The following UMODL1 variants were observed in gnomAD, a reference collection of about 807,000 sequenced individuals.
UMODL1 encodes the protein uromodulin-like 1.
A neutral mutation model predicts 136.3 loss-of-function variants in UMODL1; 128 were observed. The observed-to-expected ratio is 0.94, with a 90% confidence interval of 0.81 to 1.09. The LOEUF is 1.09. Ranked by LOEUF, UMODL1 falls within the 50% of genes least tolerant of loss-of-function variation. The pLI, the probability that UMODL1 is intolerant of heterozygous loss-of-function variation, is 0.00. For synonymous variants in UMODL1, 721 were observed against 720.0 expected (o/e 1.00, Z -0.02); for missense variants, 1,766 against 1,725.6 (o/e 1.02, Z -0.41).
chr21:42,120,920 C>G (rs1448153802), intron 15 of UMODL1, 167 bp from the exon 16 acceptor site: 4 of 789,488 alleles, frequency 5.1e-6, no homozygotes, highest in African/African-American at 3.5e-5. Context: ...CCAGCCCCAG[C>G]TTCAGGAAGC....
intron 19 of UMODL1, among the ~76,000 whole-genome samples, 180 bp downstream of exon 19, chr21:42,127,422 G>C (rs900182586): frequency 7.2e-5 from 11 of 152,214 alleles, no homozygotes; most frequent in African/African-American, 2.4e-4. Flanking sequence ...ATTAAGAACA[G>C]GTAGGGCTCA....
Position 42,122,973 on chromosome 21 carries a change from G to A in UMODL1, c.2970G>A (p.Arg990=), listed in dbSNP as rs765595931. The A allele has an allele frequency of 6.2e-7, 1 of 1,614,014 alleles. No homozygotes were observed. Among genetic ancestry groups the A allele is most frequent in the South Asian group, 1.1e-5 (1 of 91,078 alleles). Residue 990 remains arginine (R), a synonymous_variant, in exon 17 of 23, where the codon AGG becomes AGA. Coordinates refer to ENST00000408910, the MANE Select transcript of UMODL1 (RefSeq NM_001004416.3). This position sits in a 1 kb window ranked among gnomAD's most constrained non-coding sequence, Gnocchi z 4.3. The stretch of plus-strand genomic sequence containing the variant: ...GGCTGAACCTGACCGGAGCAGTCAG[G>A]GTGCTCTGTGAGATCGAGAAGGTGG... ...PQRLNLTGAV[R]VLCEIEKVVV...
intron 9 of UMODL1, among the ~76,000 whole-genome samples, chr21:42,104,455 C>CTT (rs536063448): frequency 1.4e-5 from 2 of 143,728 alleles, no homozygotes; most frequent in African/African-American, 5.1e-5. Context: ...CTTTTCTTTT[C>CTT]TTTTTTTTTT....
intron 8 of UMODL1, 151 bp from the exon 9 acceptor site, chr21:42,103,717 T>G: frequency 1.1e-6 from 1 of 901,188 alleles, no homozygotes; most frequent in Non-Finnish European, 1.8e-6. Flanking sequence ...CGGACTTCTC[T>G]GCGTGCTCTG....
At position 42,085,150 on chromosome 21, in the gene UMODL1, T is replaced by C. The variant is rs2066410771; in HGVS notation, c.482-141T>C. 9.5e-7 allele frequency: 1 copy of C among 1,048,798 alleles called. No homozygotes were observed. The highest frequency in any genetic ancestry group is 1.4e-6 in the Non-Finnish European group (1 of 730,792). The allele number at this position is 1,048,798 out of a possible 1,614,324, so 65.0% of individuals were successfully genotyped here. Reference sequence around the variant, plus strand: ...GACATCCCCCGTCTCCTGTGGTAGATGTCTTTTTGCAGGGAGGTAAATGCA... The same window carrying C: ...GACATCCCCCGTCTCCTGTGGTAGACGTCTTTTTGCAGGGAGGTAAATGCA... On this transcript the variant is annotated intron_variant, in intron 3 of 22. Coordinates refer to ENST00000408910, the MANE Select transcript of UMODL1 (RefSeq NM_001004416.3). This position sits in a 1 kb window ranked among gnomAD's most constrained non-coding sequence, Gnocchi z 4.5.
At chr21:42,129,004 G>C (rs1395156309) in intron 20 of UMODL1, among the ~76,000 whole-genome samples, 1 of 151,970 alleles carries the variant, frequency 6.6e-6, no homozygotes, top group African/African-American at 2.4e-5. Flanking sequence ...TCTGTCCCAG[G>C]CCTCTCTCCC....
intron 13 of UMODL1, among the ~76,000 whole-genome samples, chr21:42,115,672 G>A (rs138555242): frequency 8.3e-4 from 126 of 152,330 alleles, no homozygotes; most frequent in African/African-American, 2.9e-3. Context: ...TTCTCCCACT[G>A]TGTTCAGGCT....
At chr21:42,140,551 C>T (rs1303565664) in intron 22 of UMODL1, among the ~76,000 whole-genome samples, 1 of 152,194 alleles carries the variant, frequency 6.6e-6, no homozygotes, top group East Asian at 1.9e-4. Context: ...CACTAGTGTT[C>T]ACATGACTGA....
At chr21:42,073,442 G>A (rs1294479974) in intron 1 of UMODL1, among the ~76,000 whole-genome samples, 3 of 152,192 alleles carry the variant, frequency 2.0e-5, no homozygotes, top group Admixed American at 1.3e-4. Flanking sequence ...GTGATGCCAA[G>A]CAGCAGGTGG....
intron 1 of UMODL1, 103 bp downstream of exon 1, chr21:42,071,495 G>A (rs965888776): frequency 9.9e-6 from 12 of 1,207,844 alleles, no homozygotes; most frequent in South Asian, 9.0e-5. Context: ...AGGCAAGGAC[G>A]CCTCTGCTTG....
Position 42,126,335 on chromosome 21 carries a change from T to A in UMODL1, c.3148-10T>A. The A allele has an allele frequency of 6.2e-7, 1 of 1,613,876 alleles. No individual in the cohort carries two copies. ...GCCTGGGAGCTCCTCATGCTCCGCT[T>A]TGTGCTCAGAACATGACGAACACCG... On this transcript the variant is annotated splice_polypyrimidine_tract_variant and intron_variant, in intron 17 of 22. Transcript: ENST00000408910.
intron 2 of UMODL1, among the ~76,000 whole-genome samples, chr21:42,080,793 T>C (rs546876530): frequency 6.6e-6 from 1 of 152,334 alleles, no homozygotes; most frequent in African/African-American, 2.4e-5. Context: ...AAGACATTTG[T>C]AGCACGATTT....
chr21:42,063,500 C>T (rs1249619726), intron 1 of UMODL1, among the ~76,000 whole-genome samples: 2 of 152,210 alleles, frequency 1.3e-5, no homozygotes, highest in Non-Finnish European at 2.9e-5. Context: ...GGTGAGCAGC[C>T]TTTCATGGGT....
At chr21:42,139,792 T>C (rs9975332) in intron 22 of UMODL1, among the ~76,000 whole-genome samples, 26,959 of 152,016 alleles carry the variant, frequency 0.18, 2,502 homozygotes, top group South Asian at 0.3. Context: ...TCTCTAGCAC[T>C]GGTCCCGTCT....
intron 22 of UMODL1, among the ~76,000 whole-genome samples, chr21:42,138,403 T>C (rs754235497): frequency 1.3e-5 from 2 of 152,136 alleles, no homozygotes; most frequent in African/African-American, 2.4e-5. Context: ...CCCCGACTTA[T>C]GTATGACCTT....
intron 21 of UMODL1, among the ~76,000 whole-genome samples, chr21:42,130,732 G>A (rs531243073): frequency 6.6e-6 from 1 of 152,062 alleles, no homozygotes; most frequent in African/African-American, 2.4e-5. Flanking sequence ...GGGCTGTGGG[G>A]CCCAGTCCTT....
At position 42,127,244 on chromosome 21, in the gene UMODL1, T is replaced by TGA; in HGVS notation, c.3530+2_3530+3insGA. 6.2e-7 allele frequency: 1 copy of TGA among 1,613,726 alleles called. No homozygotes were observed. The highest frequency in any genetic ancestry group is 1.1e-5 in the South Asian group (1 of 91,008). ...CACCTTCAGCTTCATTAACAACAGG[T>TGA]AGGGCTCAGGAGTGCAGGCACCCCC... On this transcript the variant is annotated splice_region_variant and intron_variant, in intron 19 of 22. Coordinates refer to ENST00000408910, the MANE Select transcript of UMODL1 (RefSeq NM_001004416.3).
Position 42,111,679 on chromosome 21 carries a change from C to T in UMODL1, c.2073C>T (p.Ser691=), listed in dbSNP as rs763648645. The change falls in exon 12 of 23, where the codon TCC becomes TCT. Residue 691 remains serine (S), a synonymous_variant. Coordinates refer to ENST00000408910, the MANE Select transcript of UMODL1 (RefSeq NM_001004416.3). ...PSGSVDLPLT[S]TLTALKTPAC... is the part of the protein sequence containing the mutation. Reference sequence around the variant, plus strand: ...GTTCTGTAGACCTGCCATTGACCTCCACCCTCACAGCTCTGAAGACCCCCG... The same window carrying T: ...GTTCTGTAGACCTGCCATTGACCTCTACCCTCACAGCTCTGAAGACCCCCG... 2 of 1,613,606 alleles carry T rather than the reference C, an allele frequency of 1.2e-6. No homozygotes were observed. The highest frequency in any genetic ancestry group is 1.7e-6 in the Non-Finnish European group (2 of 1,179,728).
intron 7 of UMODL1, 87 bp from the exon 8 acceptor site, chr21:42,102,079 C>G (rs887906442): frequency 1.0e-6 from 1 of 998,534 alleles, no homozygotes; most frequent in East Asian, 2.5e-5. Flanking sequence ...AAAATTATCC[C>G]GCCAAAGAGT....
Sources: gnomAD v4.1 joint callset for allele counts (sites outside exome capture counted in the v4.1 genomes callset) on GRCh38, gnomAD v4.1.1 for gene constraint, Gnocchi (gnomAD v3.1) non-coding constraint, MANE v1.5 for transcripts, NCBI Gene and HGNC (gene_info 2026-07-23, HGNC 2026-07-21) for gene names.